Variants in POLK observed in about 807,000 individuals in gnomAD.
POLK encodes the protein DNA polymerase kappa.
Under a neutral mutation model 94.0 loss-of-function variants are expected in POLK, and 76 were observed. The observed-to-expected ratio is 0.81, with a 90% CI of 0.67 to 0.98. The LOEUF (loss-of-function observed/expected upper bound fraction) is 0.98. POLK is among the 50% of genes least tolerant of loss of function. POLK has a pLI of 0.00. For synonymous variants in POLK, 349 were observed against 325.4 expected (o/e 1.07, Z -0.78); for missense variants, 954 against 1,010.1 (o/e 0.94, Z 0.75).
intron 3 of POLK, among the ~76,000 whole-genome samples, chr5:75,559,981 T>C (rs1770885024): frequency 6.6e-6 from 1 of 152,184 alleles, no homozygotes; most frequent in South Asian, 2.1e-4. Flanking sequence ...TAAGACATAA[T>C]ATGGATGGAA....
At chr5:75,578,923 A>T (rs1434827297) in intron 6 of POLK, among the ~76,000 whole-genome samples, 2 of 152,218 alleles carry the variant, frequency 1.3e-5, no homozygotes, top group Non-Finnish European at 2.9e-5. Flanking sequence ...TGTCTTCCAA[A>T]TGAAATGCTT....
chr5:75,525,360 A>G (rs1361957003), intron 1 of POLK, among the ~76,000 whole-genome samples: 2 of 152,350 alleles, frequency 1.3e-5, no homozygotes, highest in Admixed American at 1.3e-4. Context: ...ACTAAGAAAT[A>G]CAATATCTGA....
the POLK span, among the ~76,000 whole-genome samples, chr5:75,606,202 G>A: frequency 3.1e-4 from 7 of 22,908 alleles, no homozygotes; most frequent in African/African-American, 1.3e-3. Context: ...GCTGCCCGCA[G>A]GTCCCACCTC....
At chr5:75,536,714 G>A (rs139352454) in intron 1 of POLK, among the ~76,000 whole-genome samples, 2 of 152,210 alleles carry the variant, frequency 1.3e-5, no homozygotes, top group Admixed American at 1.3e-4. Context: ...GCTCTAGCAT[G>A]TGTTGCCCCC....
At chr5:75,523,618 T>A (rs1235537868) in intron 1 of POLK, among the ~76,000 whole-genome samples, 1 of 152,190 alleles carries the variant, frequency 6.6e-6, no homozygotes, top group African/African-American at 2.4e-5. Flanking sequence ...TGTGATTAAG[T>A]TAAACAGGTA....
chr5:75,593,922 A>T (rs748001329), exon 12 of POLK: 3 of 1,604,780 alleles, frequency 1.9e-6, no homozygotes, highest in Non-Finnish European at 2.6e-6. Flanking sequence ...ATTTTGAAGT[A>T]AAAACTCGTG....
At chr5:75,523,261 G>A (rs1359797286) in intron 1 of POLK, among the ~76,000 whole-genome samples, 2 of 152,250 alleles carry the variant, frequency 1.3e-5, no homozygotes, top group Middle Eastern at 3.4e-3. Context: ...ATATCTGAAT[G>A]TCATTTTAGT....
intron 3 of POLK, among the ~76,000 whole-genome samples, chr5:75,567,315 G>A (rs1420043161): frequency 6.6e-6 from 1 of 152,110 alleles, no homozygotes; most frequent in Non-Finnish European, 1.5e-5. Context: ...TTAAAATAGA[G>A]TAGTTTTTAG....
intron 1 of POLK, among the ~76,000 whole-genome samples, chr5:75,516,433 A>G (rs538518323): frequency 2.0e-4 from 30 of 152,348 alleles, no homozygotes; most frequent in African/African-American, 7.0e-4. Context: ...AAGAATTTTA[A>G]AAGTTTAAAA....
intron 14 of POLK, 50 bp downstream of exon 14, chr5:75,597,839 A>G (rs375943003): frequency 3.8e-5 from 47 of 1,247,310 alleles, no homozygotes; most frequent in East Asian, 7.7e-5. Flanking sequence ...TGAAAATTCA[A>G]TTATTTTATA....
intron 3 of POLK, chr5:75,568,819 G>A (rs994572061): frequency 3.5e-5 from 7 of 198,144 alleles, no homozygotes; most frequent in African/African-American, 1.7e-4. Context: ...TATTTCCTTT[G>A]TTGCTTTTTT....
At chr5:75,584,902 G>T (rs746364862) in exon 9 of POLK, 1 of 1,602,142 alleles carries the variant, frequency 6.2e-7, no homozygotes, top group Non-Finnish European at 8.5e-7. Context: ...ATCTCCTTGG[G>T]TCTAGGTTCA....
chr5:75,560,116 G>A (rs1013635098), intron 3 of POLK, among the ~76,000 whole-genome samples: 2 of 152,118 alleles, frequency 1.3e-5, no homozygotes, highest in African/African-American at 4.8e-5. Context: ...AGTGTTTAGT[G>A]CTAACATTTA....
chr5:75,530,396 C>CTTTTTTTTT lies in POLK; in HGVS notation c.-13-16596_-13-16588dup, dbSNP rs201266079. On this transcript the variant is annotated intron_variant, in intron 1 of 14. Transcript: ENST00000241436. ...TCTTTGTATTTTTTTTTCCCTTTTT[C>CTTTTTTTTT]TTTTTTTTTTTTTTTTTTTTTTTTT... 8.4e-4 allele frequency among the ~76,000 whole-genome samples: 52 copies of CTTTTTTTTT among 61,620 alleles called. 1 individual carries two copies. Among genetic ancestry groups the CTTTTTTTTT allele is most frequent in the African/African-American group, 1.0e-3 (15 of 14,988 alleles). 40.4% of individuals were successfully genotyped at this position (61,620 alleles called of 152,430 possible).
intron 6 of POLK, 26 bp downstream of exon 6, chr5:75,576,959 AC>A (rs755083382): frequency 7.0e-7 from 1 of 1,427,502 alleles, no homozygotes; most frequent in African/African-American, 1.5e-5. Context: ...AGACTATCAA[AC>A]CAAGAAGCAG....
exon 9 of POLK, chr5:75,584,894 C>G: frequency 2.5e-6 from 4 of 1,604,628 alleles, no homozygotes; most frequent in Non-Finnish European, 3.4e-6. Flanking sequence ...TCCTTCATAT[C>G]TCCTTGGGTC....
intron 1 of POLK, among the ~76,000 whole-genome samples, chr5:75,524,137 AAAAC>A (rs1768720942): frequency 6.6e-6 from 1 of 152,098 alleles, no homozygotes; most frequent in African/African-American, 2.4e-5. Context: ...TCAAAAAAAA[AAAAC>A]AACAAAAAAA....
chr5:75,513,429 G>C (rs149369038), intron 1 of POLK, among the ~76,000 whole-genome samples: 1 of 152,216 alleles, frequency 6.6e-6, no homozygotes, highest in East Asian at 1.9e-4. Context: ...GGTAGATGGG[G>C]ATACTCATTG....
At chr5:75,589,124 A>G (rs943984083) in intron 10 of POLK, among the ~76,000 whole-genome samples, 3 of 152,166 alleles carry the variant, frequency 2.0e-5, no homozygotes, top group Non-Finnish European at 4.4e-5. Context: ...TTTTACATAT[A>G]TACAGGGTTA....
Sources: gnomAD v4.1 joint callset for allele counts (sites outside exome capture counted in the v4.1 genomes callset) on GRCh38, gnomAD v4.1.1 for gene constraint, MANE v1.5 for transcripts, NCBI Gene and HGNC (gene_info 2026-07-23, HGNC 2026-07-21) for gene names.